Variants in TUSC3 observed in about 807,000 individuals in gnomAD.
TUSC3 encodes dolichyl-diphosphooligosaccharide--protein glycosyltransferase subunit TUSC3.
A neutral mutation model predicts 44.8 loss-of-function variants in TUSC3; 45 were observed. The ratio of observed to expected loss-of-function variants is 1.00; its 90% CI spans 0.79 to 1.29. The LOEUF is 1.29. Among genes scored for constraint, TUSC3 ranks in the 50% most tolerant of loss-of-function variants. The pLI is 0.00. For missense variants in TUSC3, 519 were observed against 437.9 expected (o/e 1.19, Z -1.65); for synonymous variants, 212 against 152.9 (o/e 1.39, Z -2.85).
intron 4 of TUSC3, among the ~76,000 whole-genome samples, chr8:15,660,225 A>T (rs1185660938): frequency 6.6e-6 from 1 of 152,090 alleles, no homozygotes; most frequent in Non-Finnish European, 1.5e-5. Context: ...GAAAAATTGA[A>T]TATAAATCAA....
At chr8:15,706,899 C>T (rs1219639755) in intron 6 of TUSC3, among the ~76,000 whole-genome samples, 7 of 151,846 alleles carry the variant, frequency 4.6e-5, no homozygotes, top group South Asian at 4.2e-4. Context: ...AGTTGTAGGG[C>T]GCAAGAAGTT....
At chr8:15,589,534 T>C (rs1803736498) in intron 1 of TUSC3, among the ~76,000 whole-genome samples, 1 of 152,210 alleles carries the variant, frequency 6.6e-6, no homozygotes, top group Admixed American at 6.5e-5. Context: ...ACAATTTAAA[T>C]TTTAAATTAA....
chr8:15,530,440 C>G (rs1043131592), intron 2 of TUSC3, among the ~76,000 whole-genome samples: 1 of 152,148 alleles, frequency 6.6e-6, no homozygotes, highest in Non-Finnish European at 1.5e-5. Flanking sequence ...ATGCTAAAGA[C>G]TTCGCATGTA....
At chr8:15,746,102 T>A (rs1811402751) in intron 8 of TUSC3, among the ~76,000 whole-genome samples, 1 of 152,118 alleles carries the variant, frequency 6.6e-6, no homozygotes, top group Non-Finnish European at 1.5e-5. Flanking sequence ...CGATTTCTAT[T>A]CTGTTCCATT....
Position 15,673,836 on chromosome 8 carries a change from G to T in TUSC3, c.798G>T (p.Val266=). The change falls in exon 6 of 11, where the codon GTG becomes GTT. Residue 266 remains valine (V), a splice_region_variant and synonymous_variant. Transcript: ENST00000503731. The part of the protein sequence containing the change: ...YAHKNPHNGQ[V]SYIHGSSQAQ... ...ATAAGAACCCACACAATGGACAAGT[G>T]GTAAGTGTAATTTATAAGCATGAAT... 1 of 1,610,280 alleles carries T rather than the reference G, an allele frequency of 6.2e-7. No individual in the cohort carries two copies. Among genetic ancestry groups the T allele is most frequent in the Non-Finnish European group, 8.5e-7 (1 of 1,177,142 alleles).
intron 2 of TUSC3, among the ~76,000 whole-genome samples, chr8:15,522,116 T>A (rs1160239026): frequency 6.6e-6 from 1 of 152,180 alleles, no homozygotes; most frequent in African/African-American, 2.4e-5. Context: ...TATTGTTGTG[T>A]CCAAGCTTCA....
chr8:15,587,555 C>T (rs973114342), intron 1 of TUSC3, among the ~76,000 whole-genome samples: 7 of 152,120 alleles, frequency 4.6e-5, no homozygotes, highest in African/African-American at 1.7e-4. Flanking sequence ...AAATATTTAT[C>T]ATGTCTTTGT....
intron 1 of TUSC3, among the ~76,000 whole-genome samples, chr8:15,543,516 T>G (rs920273042): frequency 1.3e-5 from 2 of 152,138 alleles, no homozygotes; most frequent in African/African-American, 4.8e-5. Flanking sequence ...TTGCTTGCTT[T>G]AAAATATAAA....
intron 6 of TUSC3, among the ~76,000 whole-genome samples, chr8:15,698,728 C>G (rs1294050069): frequency 2.0e-5 from 3 of 152,078 alleles, no homozygotes. Flanking sequence ...ACATATTTGA[C>G]TTTGATACAT....
chr8:15,781,668 C>T, the TUSC3 span, among the ~76,000 whole-genome samples: 1 of 152,164 alleles, frequency 6.6e-6, no homozygotes, highest in Admixed American at 6.5e-5. Flanking sequence ...AGTCTTCCAT[C>T]ACAGAAAAGC....
At chr8:15,748,946 T>C (rs956997622) in intron 9 of TUSC3, 1 of 355,236 alleles carries the variant, frequency 2.8e-6, no homozygotes, top group Middle Eastern at 9.9e-4. Flanking sequence ...TCATAACGAG[T>C]ATCTCATAAG....
intron 2 of TUSC3, among the ~76,000 whole-genome samples, chr8:15,496,243 A>G (rs1306162464): frequency 1.3e-5 from 2 of 152,192 alleles, no homozygotes; most frequent in African/African-American, 2.4e-5. Flanking sequence ...CCATTCCAGC[A>G]TATTCATTTC....
chr8:15,506,867 G>T (rs1801058978), intron 2 of TUSC3, among the ~76,000 whole-genome samples: 2 of 152,176 alleles, frequency 1.3e-5, no homozygotes, highest in Non-Finnish European at 2.9e-5. Flanking sequence ...AGGAATGCAT[G>T]CTCAGAGAAG....
rs1011241004 is a variant in TUSC3, at chr8:15,590,708, G to T, written c.139-32372G>T. ...CTTTTCTGAGACAGGGTTTTGCTCT[G>T]TTGCCCAGGCTGGAGTGCTGTGGTG... On this transcript the variant is annotated intron_variant, in intron 1 of 10. Coordinates refer to ENST00000503731, the MANE Select transcript of TUSC3 (RefSeq NM_006765.4). Among the ~76,000 whole-genome samples the T allele has an allele frequency of 2.8e-4, 42 of 151,928 alleles. 1 individual carries two copies. Among genetic ancestry groups the T allele is most frequent in the Admixed American group, 1.6e-3 (25 of 15,222 alleles).
At chr8:15,613,685 A>T (rs1460415355) in intron 1 of TUSC3, among the ~76,000 whole-genome samples, 3 of 152,170 alleles carry the variant, frequency 2.0e-5, no homozygotes, top group Non-Finnish European at 4.4e-5. Context: ...CTTTATTAGC[A>T]GTGTGAAAAC....
At chr8:15,524,370 G>A (rs531547343) in intron 2 of TUSC3, among the ~76,000 whole-genome samples, 5 of 152,110 alleles carry the variant, frequency 3.3e-5, no homozygotes, top group Non-Finnish European at 5.9e-5. Context: ...CTAATGGAAA[G>A]GAATTGTGAT....
At chr8:15,427,785 T>C (rs753132718) in intron 1 of TUSC3, among the ~76,000 whole-genome samples, 22 of 152,142 alleles carry the variant, frequency 1.4e-4, no homozygotes, top group Non-Finnish European at 2.8e-4. Flanking sequence ...TTGTTACTTT[T>C]GTTGCCTGTG....
At chr8:15,612,543 T>C (rs1804808402) in intron 1 of TUSC3, among the ~76,000 whole-genome samples, 1 of 152,192 alleles carries the variant, frequency 6.6e-6, no homozygotes, top group Non-Finnish European at 1.5e-5. Context: ...GAGACTGGTA[T>C]ATAGATTATG....
chr8:15,595,554 C>A (rs1263444189), intron 1 of TUSC3, among the ~76,000 whole-genome samples: 3 of 152,244 alleles, frequency 2.0e-5, no homozygotes, highest in South Asian at 2.1e-4. Flanking sequence ...AAAACTGTTA[C>A]ATATGTTTTG....
Sources: gnomAD v4.1 joint callset for allele counts (sites outside exome capture counted in the v4.1 genomes callset) on GRCh38, gnomAD v4.1.1 for gene constraint, MANE v1.5 for transcripts, NCBI Gene and HGNC (gene_info 2026-07-23, HGNC 2026-07-21) for gene names.